The following CCSER1 variants were observed in gnomAD, a reference collection of about 807,000 sequenced individuals.
CCSER1 encodes coiled-coil serine rich protein 1, also known as serine-rich coiled-coil domain-containing protein 1.
In CCSER1, 41 loss-of-function variants were observed where a neutral mutation model predicts 82.0. The observed-to-expected ratio is 0.50, with a 90% CI of 0.39 to 0.65. The LOEUF (loss-of-function observed/expected upper bound fraction) is 0.65. CCSER1 is among the 30% of genes least tolerant of loss of function. The probability of loss-of-function intolerance (pLI) is 0.00; values close to 1 mark genes in which losing one functional copy is unlikely to be tolerated. For missense variants in CCSER1, 1,119 were observed against 1,064.2 expected (o/e 1.05, Z -0.72); for synonymous variants, 414 against 383.9 (o/e 1.08, Z -0.92).
chr4:90,876,603 A>G (rs1454263319), intron 8 of CCSER1, among the ~76,000 whole-genome samples: 2 of 152,116 alleles, frequency 1.3e-5, no homozygotes, highest in Non-Finnish European at 2.9e-5. Context: ...CTCTTAGTTC[A>G]GAAACACTTA....
At chr4:91,433,722 G>A (rs749939111) in intron 10 of CCSER1, among the ~76,000 whole-genome samples, 8 of 152,154 alleles carry the variant, frequency 5.3e-5, no homozygotes, top group Non-Finnish European at 8.8e-5. Flanking sequence ...GTTTGTGTAA[G>A]TACATCTTAT....
At position 90,559,809 on chromosome 4, in the gene CCSER1, CAAAAAAAA is replaced by C. The variant is rs1236087772; in HGVS notation, c.1725-68197_1725-68190del. On this transcript the variant is annotated intron_variant, in intron 5 of 10. Transcript: ENST00000509176. ...TGGGAGACAGACCGAGACTCCGTCT[CAAAAAAAA>C]AAAAAAAAAAAAAAAAAATAGCCGG... 4.2e-3 allele frequency among the ~76,000 whole-genome samples: 168 copies of C among 39,758 alleles called. 1 individual carries two copies. Among genetic ancestry groups the C allele is most frequent in the African/African-American group, 0.015 (162 of 10,950 alleles). 26.1% of individuals were successfully genotyped at this position (39,758 alleles called of 152,430 possible). A position where few individuals can be genotyped will look rare whatever the true frequency, so the allele number is the denominator to read the frequency against.
intron 10 of CCSER1, among the ~76,000 whole-genome samples, chr4:91,132,957 T>G (rs185110960): frequency 1.2e-4 from 19 of 152,294 alleles, no homozygotes; most frequent in African/African-American, 4.1e-4. Context: ...TAGATCTGAC[T>G]TCTTGGGGAT....
At position 90,390,352 on chromosome 4, in the gene CCSER1, T is replaced by C. The variant is rs145498070; in HGVS notation, c.1510-9684T>C. ...CAGGTTTGTTACATGGGTATCATGA[T>C]GCTGAGGTCTGAGGTACAATAGATC... On this transcript the variant is annotated intron_variant, in intron 3 of 10. Coordinates refer to ENST00000509176, the MANE Select transcript of CCSER1 (RefSeq NM_001145065.2). Among the ~76,000 whole-genome samples the C allele has an allele frequency of 1.1e-3, 167 of 152,308 alleles. 2 individuals are homozygous for C. The highest frequency in any genetic ancestry group is 3.8e-3 in the African/African-American group (159 of 41,562).
chr4:91,367,344 A>C (rs1312266139), intron 10 of CCSER1, among the ~76,000 whole-genome samples: 1 of 149,816 alleles, frequency 6.7e-6, no homozygotes, highest in African/African-American at 2.4e-5. Context: ...AAAAAGTTAA[A>C]ATATTAAATA....
intron 8 of CCSER1, among the ~76,000 whole-genome samples, chr4:90,844,105 G>T (rs1302700334): frequency 1.3e-5 from 2 of 149,538 alleles, no homozygotes; most frequent in Non-Finnish European, 3.0e-5. Flanking sequence ...GTTTGTGTGT[G>T]TGTGTGTATG....
At chr4:90,967,314 T>C (rs1734662884) in intron 9 of CCSER1, among the ~76,000 whole-genome samples, 1 of 151,764 alleles carries the variant, frequency 6.6e-6, no homozygotes, top group Non-Finnish European at 1.5e-5. Context: ...CTGGGCGTGG[T>C]GGAGTGCACC....
intron 1 of CCSER1, among the ~76,000 whole-genome samples, chr4:90,287,461 G>A (rs1353040186): frequency 6.6e-6 from 1 of 151,238 alleles, no homozygotes; most frequent in African/African-American, 2.4e-5. Flanking sequence ...TCTTTAGCAG[G>A]ATACAACATT....
At chr4:90,755,256 T>C (rs935834598) in intron 7 of CCSER1, among the ~76,000 whole-genome samples, 7 of 152,068 alleles carry the variant, frequency 4.6e-5, no homozygotes, top group Admixed American at 4.6e-4. Context: ...GATAAACAAG[T>C]AAGAGTCAGT....
rs143267828 is a variant in CCSER1 at position 90,195,838 on chromosome 4, C to T, written c.-42+68007C>T. Among the ~76,000 whole-genome samples the T allele has an allele frequency of 1.7e-3, 254 of 152,198 alleles. 2 individuals carry two copies. The highest frequency in any genetic ancestry group is 5.9e-3 in the African/African-American group (244 of 41,544). Reference sequence around the variant, plus strand: ...TGTGGGCTGGCAGCAATATTTATTTCAACACAGTGGATAGGAGCAAACTGT... The same window carrying T: ...TGTGGGCTGGCAGCAATATTTATTTTAACACAGTGGATAGGAGCAAACTGT... On this transcript the variant is annotated intron_variant, in intron 1 of 10. Transcript: ENST00000509176.
intron 7 of CCSER1, among the ~76,000 whole-genome samples, chr4:90,773,038 C>T (rs984657737): frequency 1.3e-5 from 2 of 151,978 alleles, no homozygotes; most frequent in South Asian, 2.1e-4. Context: ...GTCGGGAGTT[C>T]GAGACCAGCC....
At chr4:90,385,908 T>C (rs1405313028) in intron 3 of CCSER1, among the ~76,000 whole-genome samples, 1 of 152,206 alleles carries the variant, frequency 6.6e-6, no homozygotes, top group Non-Finnish European at 1.5e-5. Context: ...GATGTATCAT[T>C]TGTAAATATT....
intron 1 of CCSER1, among the ~76,000 whole-genome samples, chr4:90,129,828 C>T (rs527814224): frequency 6.6e-6 from 1 of 152,260 alleles, no homozygotes; most frequent in East Asian, 1.9e-4. Flanking sequence ...GAAGCATGTG[C>T]AGCTTTAAAT....
chr4:91,150,856 G>A (rs574542090), intron 10 of CCSER1, among the ~76,000 whole-genome samples: 25 of 152,210 alleles, frequency 1.6e-4, no homozygotes, highest in African/African-American at 4.3e-4. Flanking sequence ...TTGATGTGCC[G>A]CTGGATTTGA....
intron 10 of CCSER1, among the ~76,000 whole-genome samples, chr4:91,382,735 C>A (rs1751002625): frequency 6.6e-6 from 1 of 152,112 alleles, no homozygotes; most frequent in African/African-American, 2.4e-5. Context: ...GTCTGACAAG[C>A]CCCAGTGAGA....
rs1580153845 is a variant in CCSER1 at position 90,723,411 on chromosome 4, A to G, written c.1933-503A>G. Among the ~76,000 whole-genome samples the G allele has an allele frequency of 2.0e-5, 3 of 152,054 alleles. No individual in the cohort carries two copies. The East Asian group carries it at 5.8e-4, about 29-fold the overall frequency. On this transcript the variant is annotated intron_variant, in intron 6 of 10. Coordinates refer to ENST00000509176, the MANE Select transcript of CCSER1 (RefSeq NM_001145065.2). ...AATGTCAGGGGCTATGAATTTAGGA[A>G]TTTAAAAAATTTAATATTTTTTCAG...
intron 10 of CCSER1, among the ~76,000 whole-genome samples, chr4:91,595,944 A>AAAAAAAAAAAAAAAAAAAAAAAAC (rs1764551889): frequency 4.3e-5 from 1 of 23,282 alleles, no homozygotes; most frequent in Non-Finnish European, 7.3e-5. Flanking sequence ...CAGAGAACTT[A>AAAAAAAAAAAAAAAAAAAAAAAAC]AAAAAAAAAA....
intron 10 of CCSER1, among the ~76,000 whole-genome samples, chr4:91,187,384 A>T (rs1463568987): frequency 2.0e-5 from 3 of 152,176 alleles, no homozygotes; most frequent in Non-Finnish European, 4.4e-5. Context: ...GAGATTTTCA[A>T]AATTGCCGTC....
intron 8 of CCSER1, among the ~76,000 whole-genome samples, chr4:90,887,936 G>A (rs1722395281): frequency 2.0e-5 from 3 of 151,172 alleles, no homozygotes; most frequent in African/African-American, 7.3e-5. Context: ...AATCAACAAT[G>A]ACAGAGAGAT....
Sources: allele counts gnomAD v4.1 joint callset (sites outside exome capture counted in the v4.1 genomes callset), GRCh38; gene constraint gnomAD v4.1.1; transcripts MANE v1.5; gene names NCBI Gene and HGNC (gene_info 2026-07-23, HGNC 2026-07-21).